RAB27B: variants seen among roughly 807,000 people sequenced by gnomAD.
RAB27B encodes ras-related protein Rab-27B.
A neutral mutation model predicts 24.6 loss-of-function variants in RAB27B; 15 were observed. The ratio of observed to expected loss-of-function variants is 0.61; its 90% CI spans 0.41 to 0.94. The LOEUF is 0.94. RAB27B is among the 40% of genes least tolerant of loss of function. The probability of loss-of-function intolerance (pLI) is 0.00; values close to 1 mark genes in which losing one functional copy is unlikely to be tolerated. For missense variants in RAB27B, 261 were observed against 266.8 expected (o/e 0.98, Z 0.15); for synonymous variants, 105 against 92.5 (o/e 1.14, Z -0.78).
intron 2 of RAB27B, among the ~76,000 whole-genome samples, chr18:54,780,093 GA>G (rs1908854255): frequency 1.6e-5 from 2 of 124,330 alleles, no homozygotes; most frequent in Admixed American, 8.9e-5. Flanking sequence ...CGCCCGTCCT[GA>G]CAGCTTCCCC....
Position 54,821,753 on chromosome 18 carries a change from T to A in RAB27B, c.-19-55814T>A, listed in dbSNP as rs151127360. 4.6e-5 allele frequency among the ~76,000 whole-genome samples: 7 copies of A among 152,348 alleles called. No homozygotes were observed. In the East Asian group the frequency reaches 1.4e-3, roughly 29 times the overall value. On this transcript the variant is annotated intron_variant, in intron 2 of 4. Coordinates refer to the RAB27B transcript ENST00000586570. ...TATCATCAAACCTTAATTAGCTAGC[T>A]GTTATTTTTATTTTTTTGAGATGGC...
At chr18:54,875,058 C>A (rs936870502) in intron 1 of RAB27B, among the ~76,000 whole-genome samples, 1 of 152,092 alleles carries the variant, frequency 6.6e-6, no homozygotes, top group Non-Finnish European at 1.5e-5. Flanking sequence ...CGTGGTGGCT[C>A]ATGTCTGTAA....
intron 2 of RAB27B, among the ~76,000 whole-genome samples, chr18:54,738,344 T>G (rs988736): frequency 0.016 from 2,383 of 152,154 alleles, 22 homozygotes; most frequent in Non-Finnish European, 0.025. Flanking sequence ...ATAATCCCCA[T>G]GTATTGAGGG....
At chr18:54,734,183 G>T (rs1234803905) in intron 2 of RAB27B, among the ~76,000 whole-genome samples, 1 of 152,042 alleles carries the variant, frequency 6.6e-6, no homozygotes, top group Non-Finnish European at 1.5e-5. Context: ...TTTTCTTCTT[G>T]CCTTGGATCT....
intron 2 of RAB27B, among the ~76,000 whole-genome samples, chr18:54,809,110 A>G (rs1909884374): frequency 6.6e-6 from 1 of 152,238 alleles, no homozygotes; most frequent in Admixed American, 6.5e-5. Context: ...AGTTTCTAGT[A>G]GAAAGTTGTA....
At chr18:54,860,819 C>A (rs1394672874) in intron 1 of RAB27B, among the ~76,000 whole-genome samples, 2 of 152,162 alleles carry the variant, frequency 1.3e-5, no homozygotes, top group East Asian at 1.9e-4. Context: ...CAAACAAGCA[C>A]CTTCTTTGGA....
intron 2 of RAB27B, among the ~76,000 whole-genome samples, chr18:54,782,450 C>T (rs139812506): frequency 5.5e-4 from 84 of 152,210 alleles, no homozygotes; most frequent in African/African-American, 2.0e-3. Context: ...ACTTTTTTTG[C>T]AGCAATAACT....
chr18:54,886,697 T>C lies in RAB27B; in HGVS notation c.344-1298T>C, dbSNP rs183186928. On this transcript the variant is annotated intron_variant, in intron 4 of 5. Coordinates refer to ENST00000262094, the MANE Select transcript of RAB27B (RefSeq NM_004163.4). The stretch of plus-strand genomic sequence containing the variant: ...ATTCTTTCAGAGAATGGTTTGTTTA[T>C]CCTTTTTCAAGGCAGATGAGAGTCT... Among the ~76,000 whole-genome samples, 112 of 152,264 alleles carry C rather than the reference T, an allele frequency of 7.4e-4. No homozygotes were observed. The South Asian group carries it at 0.017, about 23-fold the overall frequency.
At chr18:54,733,783 AC>A (rs1309507322) in intron 2 of RAB27B, among the ~76,000 whole-genome samples, 2 of 151,748 alleles carry the variant, frequency 1.3e-5, no homozygotes, top group East Asian at 3.9e-4. Context: ...TTGCTGCCAT[AC>A]TTGATTAAAT....
intron 1 of RAB27B, among the ~76,000 whole-genome samples, chr18:54,830,819 C>T (rs1402673524): frequency 6.6e-6 from 1 of 152,140 alleles, no homozygotes. Context: ...TTAAATAAGA[C>T]AAACTTGTCT....
intron 2 of RAB27B, among the ~76,000 whole-genome samples, chr18:54,751,627 G>T (rs1393850450): frequency 6.6e-6 from 1 of 152,188 alleles, no homozygotes; most frequent in Non-Finnish European, 1.5e-5. Flanking sequence ...AAACTCAGAA[G>T]TGAGGTTGAG....
intron 2 of RAB27B, among the ~76,000 whole-genome samples, chr18:54,788,188 C>T (rs1239257570): frequency 2.0e-5 from 3 of 152,202 alleles, no homozygotes; most frequent in Non-Finnish European, 4.4e-5. Context: ...GAAAGAGGCA[C>T]AGGTTTAGAG....
chr18:54,861,992 A>G (rs1912027747), intron 1 of RAB27B, among the ~76,000 whole-genome samples: 1 of 152,154 alleles, frequency 6.6e-6, no homozygotes, highest in Non-Finnish European at 1.5e-5. Context: ...ATTTCAAGCA[A>G]TTTACATTTA....
chr18:54,781,106 A>G lies in RAB27B; in HGVS notation c.-20+62965A>G, dbSNP rs1055093934. Among the ~76,000 whole-genome samples the G allele has an allele frequency of 2.0e-5, 3 of 152,136 alleles. No individual in the cohort carries two copies. The East Asian group carries it at 5.8e-4, about 29-fold the overall frequency. On this transcript the variant is annotated intron_variant, in intron 2 of 4. Transcript: ENST00000586570. ...GCATTATCTCTGACCTCTAAGGCCC[A>G]GTGACAGCCCAACTGGCCAGCTAGC...
intron 2 of RAB27B, among the ~76,000 whole-genome samples, chr18:54,763,928 T>A (rs1908277559): frequency 6.6e-6 from 1 of 152,148 alleles, no homozygotes; most frequent in Non-Finnish European, 1.5e-5. Flanking sequence ...GGGGAAACTT[T>A]CTAAGTTCTC....
At chr18:54,880,073 C>T (rs1291677925) in intron 3 of RAB27B, 1 of 148,764 alleles carries the variant, frequency 6.7e-6, no homozygotes, top group East Asian at 2.0e-4. Flanking sequence ...GGTTATTTCA[C>T]CCTTAAGGTC....
rs182545263 is a variant in RAB27B, at chr18:54,781,478, A to G, written c.-20+63337A>G. Among the ~76,000 whole-genome samples the G allele has an allele frequency of 2.8e-3, 432 of 152,016 alleles. 6 individuals carry two copies. The highest frequency in any genetic ancestry group is 0.027 in the South Asian group (131 of 4,808). On this transcript the variant is annotated intron_variant, in intron 2 of 4. Coordinates refer to the RAB27B transcript ENST00000586570. ...CCTAACACTATAAATCCTTTCTTCCACAAAGTCTTGGTTGCATCTAGTCCT... is the reference window on the plus strand; with the variant it reads ...CCTAACACTATAAATCCTTTCTTCCGCAAAGTCTTGGTTGCATCTAGTCCT...
At chr18:54,850,367 T>TACA (rs1230109206) in intron 1 of RAB27B, among the ~76,000 whole-genome samples, 4 of 142,588 alleles carry the variant, frequency 2.8e-5, no homozygotes, top group African/African-American at 1.0e-4. Flanking sequence ...TATACATACA[T>TACA]ACATATGTTT....
At chr18:54,770,759 G>A (rs1385237953) in intron 2 of RAB27B, among the ~76,000 whole-genome samples, 2 of 151,284 alleles carry the variant, frequency 1.3e-5, no homozygotes, top group Non-Finnish European at 2.9e-5. Context: ...GCTATACCAC[G>A]TTGTTTAATA....
Sources: allele counts gnomAD v4.1 joint callset (sites outside exome capture counted in the v4.1 genomes callset), GRCh38; gene constraint gnomAD v4.1.1; transcripts MANE v1.5; gene names NCBI Gene and HGNC (gene_info 2026-07-23, HGNC 2026-07-21).